The following WDPCP variants were observed in gnomAD, a reference collection of about 807,000 sequenced individuals.
WDPCP encodes the protein WD repeat containing planar cell polarity effector, also known as WD repeat-containing and planar cell polarity effector protein fritz homolog.
A neutral mutation model predicts 93.1 loss-of-function variants in WDPCP; 71 were observed. The ratio of observed to expected loss-of-function variants is 0.76; its 90% CI spans 0.63 to 0.93. The LOEUF (loss-of-function observed/expected upper bound fraction) is 0.93, where lower values mean the gene tolerates loss of function less well. Ranked by LOEUF, WDPCP falls within the 40% of genes least tolerant of loss-of-function variation. WDPCP has a pLI of 0.00. For missense variants in WDPCP, 844 were observed against 887.4 expected (o/e 0.95, Z 0.62); for synonymous variants, 315 against 315.0 (o/e 1.00, Z 0.00).
chr2:63,336,686 C>T (rs980053294), intron 12 of WDPCP, among the ~76,000 whole-genome samples: 7 of 151,858 alleles, frequency 4.6e-5, no homozygotes, highest in Non-Finnish European at 1.0e-4. Flanking sequence ...GATAAATCTA[C>T]CCATTAGGTT....
At position 63,671,056 on chromosome 2, in the gene WDPCP, A is replaced by G. The variant is rs1367399088; in HGVS notation, n.309-20218T>C. On this transcript the variant is annotated intron_variant and non_coding_transcript_variant, in intron 2 of 4. Transcript: ENST00000467687. ...CGAACCTTTAATTCTGTCCCTACTCAGGCTCAGCTTTGAGATTTTTAGAGA... is the reference window on the plus strand; with the variant it reads ...CGAACCTTTAATTCTGTCCCTACTCGGGCTCAGCTTTGAGATTTTTAGAGA... 2.6e-5 allele frequency among the ~76,000 whole-genome samples: 4 copies of G among 152,198 alleles called. No homozygotes were observed. The East Asian group carries it at 5.8e-4, about 22-fold the overall frequency.
At chr2:63,337,538 A>T (rs1250693719) in intron 12 of WDPCP, among the ~76,000 whole-genome samples, 1 of 152,152 alleles carries the variant, frequency 6.6e-6, no homozygotes, top group East Asian at 1.9e-4. Flanking sequence ...AAAATGGCTG[A>T]ATTATATAGT....
At chr2:63,306,307 A>T (rs1458732728) in intron 13 of WDPCP, among the ~76,000 whole-genome samples, 1 of 152,238 alleles carries the variant, frequency 6.6e-6, no homozygotes, top group Admixed American at 6.5e-5. Flanking sequence ...ATTCTACCAG[A>T]GGTACAAAGA....
At chr2:63,557,096 A>G (rs1402742005) in intron 1 of WDPCP, among the ~76,000 whole-genome samples, 1 of 152,212 alleles carries the variant, frequency 6.6e-6, no homozygotes, top group Admixed American at 6.5e-5. Flanking sequence ...GACACTATGA[A>G]GCAACTACAA....
intron 17 of WDPCP, among the ~76,000 whole-genome samples, chr2:63,127,509 C>A (rs1669995678): frequency 1.3e-5 from 2 of 151,812 alleles, no homozygotes; most frequent in African/African-American, 4.8e-5. Context: ...CTTGAAGATA[C>A]TGTATTCCAT....
chr2:63,273,961 A>C (rs1682874203), intron 13 of WDPCP, among the ~76,000 whole-genome samples: 1 of 152,158 alleles, frequency 6.6e-6, no homozygotes. Context: ...AAAATTAACA[A>C]AGAAACATTG....
At chr2:63,506,235 C>T (rs1213032553) in intron 1 of WDPCP, among the ~76,000 whole-genome samples, 1 of 151,790 alleles carries the variant, frequency 6.6e-6, no homozygotes, top group Non-Finnish European at 1.5e-5. Context: ...CCTAAATGAA[C>T]AGTACCTTAC....
At chr2:63,397,090 T>C (rs925236592) in intron 10 of WDPCP, among the ~76,000 whole-genome samples, 1 of 152,128 alleles carries the variant, frequency 6.6e-6, no homozygotes, top group African/African-American at 2.4e-5. Flanking sequence ...ATGACAAGAC[T>C]GGAAGGCAGA....
intron 9 of WDPCP, among the ~76,000 whole-genome samples, chr2:63,408,779 C>G (rs569932387): frequency 6.6e-6 from 1 of 152,156 alleles, no homozygotes; most frequent in East Asian, 1.9e-4. Flanking sequence ...TGCCGGCTCT[C>G]CCCGACTTCC....
chr2:63,839,421 G>A, the WDPCP span, among the ~76,000 whole-genome samples: 4 of 152,196 alleles, frequency 2.6e-5, no homozygotes, highest in African/African-American at 9.7e-5. Flanking sequence ...AGCCAGGTGC[G>A]GTGGCACGAG....
chr2:63,673,281 T>C (rs988474039), intron 2 of WDPCP, among the ~76,000 whole-genome samples: 3 of 152,076 alleles, frequency 2.0e-5, no homozygotes, highest in African/African-American at 7.2e-5. Context: ...ATTAGATAGA[T>C]ACACAGGAGA....
intron 8 of WDPCP, 74 bp from the exon 9 acceptor site, chr2:63,434,010 A>G (rs947288297): frequency 6.8e-7 from 1 of 1,466,636 alleles, no homozygotes; most frequent in Non-Finnish European, 9.4e-7. Flanking sequence ...TACAAAAATT[A>G]AAGCATCTGG....
chr2:63,199,421 C>T lies in WDPCP; in HGVS notation c.1916-24589G>A, dbSNP rs577656780. ...GAAGAATAGTTTTGTGGGCAAGGCC[C>T]GGGGCCCTGCTGCTCTGTGCCGCCT... On this transcript the variant is annotated intron_variant, in intron 14 of 17. Coordinates refer to ENST00000272321, the MANE Select transcript of WDPCP (RefSeq NM_015910.7). Among the ~76,000 whole-genome samples, 16 of 152,320 alleles carry T rather than the reference C, an allele frequency of 1.1e-4. No individual in the cohort carries two copies. The East Asian group carries it at 1.2e-3, about 11-fold the overall frequency.
chr2:63,453,353 T>A (rs1006085604), intron 6 of WDPCP, among the ~76,000 whole-genome samples: 15 of 152,212 alleles, frequency 9.9e-5, no homozygotes, highest in African/African-American at 3.4e-4. Context: ...ATGCTCATCA[T>A]CACTGGCCAT....
At chr2:63,199,394 G>A (rs1450668061) in intron 14 of WDPCP, among the ~76,000 whole-genome samples, 1 of 152,234 alleles carries the variant, frequency 6.6e-6, no homozygotes, top group Non-Finnish European at 1.5e-5. Flanking sequence ...AGGCCTAGGA[G>A]GGAAGAATAG....
intron 16 of WDPCP, 115 bp downstream of exon 16, chr2:63,153,380 C>T: frequency 1.3e-6 from 1 of 770,908 alleles, no homozygotes; most frequent in Non-Finnish European, 2.1e-6. Context: ...AGTCTTATAC[C>T]AACTAGAAAT....
At chr2:63,290,120 G>T (rs1436501647) in intron 13 of WDPCP, among the ~76,000 whole-genome samples, 1 of 151,750 alleles carries the variant, frequency 6.6e-6, no homozygotes, top group African/African-American at 2.4e-5. Flanking sequence ...GGGGTTAAGT[G>T]TAACATCTTA....
In WDPCP at chr2:63,625,625, T is replaced by C. The variant is rs557788894; in HGVS notation, n.488+25034A>G. ...GTCTAGGAATACAACTTACAAGGGA[T>C]GTGAAGAGGGATGTGAAGGACCTCT... On this transcript the variant is annotated intron_variant and non_coding_transcript_variant, in intron 3 of 4. Coordinates refer to the WDPCP transcript ENST00000467687. Among the ~76,000 whole-genome samples, 4 of 152,086 alleles carry C rather than the reference T, an allele frequency of 2.6e-5. No individual in the cohort carries two copies. The Middle Eastern group carries it at 0.014, about 517-fold the overall frequency.
intron 2 of WDPCP, among the ~76,000 whole-genome samples, chr2:63,774,496 T>C (rs1279443767): frequency 5.3e-5 from 8 of 152,162 alleles, no homozygotes; most frequent in Admixed American, 5.2e-4. Flanking sequence ...TGTATATTTT[T>C]CCTCAAATCT....
Sources: allele counts gnomAD v4.1 joint callset (sites outside exome capture counted in the v4.1 genomes callset), GRCh38; gene constraint gnomAD v4.1.1; transcripts MANE v1.5; gene names NCBI Gene and HGNC (gene_info 2026-07-23, HGNC 2026-07-21).